Variants in RELN observed in about 807,000 individuals in gnomAD.
RELN encodes the protein reelin.
Under a neutral mutation model 427.6 loss-of-function variants are expected in RELN, and 108 were observed. That is an observed-to-expected ratio of 0.25 (90% CI 0.22 to 0.30). RELN has a LOEUF of 0.30. RELN is among the 10% of genes least tolerant of loss of function. The probability of loss-of-function intolerance (pLI) is 1.00; values close to 1 mark genes in which losing one functional copy is unlikely to be tolerated. For synonymous variants in RELN, 1,524 were observed against 1,513.4 expected (o/e 1.01, Z -0.16); for missense variants, 3,715 against 4,302.8 (o/e 0.86, Z 3.82).
At chr7:103,682,518 CAA>C (rs1350575624) in intron 10 of RELN, among the ~76,000 whole-genome samples, 6 of 152,264 alleles carry the variant, frequency 3.9e-5, no homozygotes, top group Admixed American at 1.3e-4. Context: ...CAGTATGAAA[CAA>C]GAGTATTTCA....
chr7:103,868,592 G>C (rs1295765694), intron 2 of RELN, among the ~76,000 whole-genome samples: 1 of 151,976 alleles, frequency 6.6e-6, no homozygotes, highest in Non-Finnish European at 1.5e-5. Flanking sequence ...TAATCAGACA[G>C]GACTAAACAA....
chr7:103,838,461 C>T (rs2116424581), intron 2 of RELN, among the ~76,000 whole-genome samples: 2 of 152,238 alleles, frequency 1.3e-5, no homozygotes, highest in East Asian at 3.9e-4. Flanking sequence ...CAAGACTCTA[C>T]ATTTTTAAGC....
chr7:103,709,595 C>A (rs1218335302), intron 8 of RELN, among the ~76,000 whole-genome samples: 1 of 152,172 alleles, frequency 6.6e-6, no homozygotes, highest in Non-Finnish European at 1.5e-5. Flanking sequence ...GCAGCCTCTA[C>A]TACTACCCAT....
intron 6 of RELN, among the ~76,000 whole-genome samples, chr7:103,745,946 C>T (rs1246943517): frequency 6.6e-6 from 1 of 152,152 alleles, no homozygotes; most frequent in Non-Finnish European, 1.5e-5. Context: ...CAAAAAAGAG[C>T]TCACATTGCC....
chr7:103,915,583 G>A (rs1258579283), intron 2 of RELN, among the ~76,000 whole-genome samples: 3 of 152,096 alleles, frequency 2.0e-5, no homozygotes, highest in African/African-American at 7.2e-5. Context: ...ATTGGGCACT[G>A]ATCCAGTACA....
At chr7:103,537,125 T>G (rs1205130379) in intron 45 of RELN, among the ~76,000 whole-genome samples, 1 of 152,216 alleles carries the variant, frequency 6.6e-6, no homozygotes, top group Non-Finnish European at 1.5e-5. Flanking sequence ...TATCAGAGGT[T>G]GTTAAGAAAA....
chr7:103,867,414 A>T lies in RELN; in HGVS notation c.338-33742T>A, dbSNP rs1016150428. On this transcript the variant is annotated intron_variant, in intron 2 of 64. Transcript: ENST00000428762. Reference sequence around the variant, plus strand: ...ACAGGTTATCTGTCCTTGGGGCATAAAAATATGAAGTCATAGAAGACTCGT... The same window carrying T: ...ACAGGTTATCTGTCCTTGGGGCATATAAATATGAAGTCATAGAAGACTCGT... Among the ~76,000 whole-genome samples the T allele has an allele frequency of 2.0e-5, 3 of 152,032 alleles. No individual in the cohort carries two copies. In the South Asian group the frequency reaches 6.2e-4, roughly 32 times the overall value.
intron 53 of RELN, among the ~76,000 whole-genome samples, chr7:103,499,481 C>T (rs1828950092): frequency 6.6e-6 from 1 of 152,102 alleles, no homozygotes; most frequent in African/African-American, 2.4e-5. Context: ...ATCATAAAGC[C>T]AATTTGTTCT....
intron 2 of RELN, among the ~76,000 whole-genome samples, chr7:103,863,953 A>G (rs1372166821): frequency 6.6e-6 from 1 of 152,130 alleles, no homozygotes; most frequent in Non-Finnish European, 1.5e-5. Flanking sequence ...TGGACTTTAA[A>G]TAATACACTT....
At chr7:103,838,661 G>C (rs1181888400) in intron 2 of RELN, among the ~76,000 whole-genome samples, 1 of 152,134 alleles carries the variant, frequency 6.6e-6, no homozygotes, top group Non-Finnish European at 1.5e-5. Flanking sequence ...AGTCTGCCTG[G>C]CCAAAAAGGA....
intron 2 of RELN, among the ~76,000 whole-genome samples, chr7:103,906,365 T>A (rs1234695161): frequency 6.6e-6 from 1 of 152,170 alleles, no homozygotes; most frequent in African/African-American, 2.4e-5. Flanking sequence ...TAGTAGAATT[T>A]TTTTTAGGAT....
chr7:103,566,874 C>A lies in RELN; in HGVS notation c.4589-115G>T. The A allele has an allele frequency of 5.0e-6, 5 of 990,126 alleles. 1 individual carries two copies. The South Asian group carries it at 6.6e-5, about 13-fold the overall frequency. 61.3% of individuals were successfully genotyped at this position (990,126 alleles called of 1,614,324 possible). On this transcript the variant is annotated intron_variant, in intron 31 of 64. Transcript: ENST00000428762. ...CAAATTGTGTCTCCTAGAACGAGGG[C>A]ACATTTGTGTAACTTCCAAGGAATG... is the stretch of plus-strand genomic sequence containing the variant.
chr7:103,816,407 A>C (rs76114293), intron 3 of RELN, among the ~76,000 whole-genome samples: 1,735 of 152,296 alleles, frequency 0.011, 30 homozygotes, highest in African/African-American at 0.037. Flanking sequence ...TACATTAAAA[A>C]ATGTCTAATG....
In RELN at chr7:103,505,696, ACTC is replaced by A. The variant is rs1275308088; in HGVS notation, c.8275-2469_8275-2467del. 5.3e-5 allele frequency among the ~76,000 whole-genome samples: 8 copies of A among 152,194 alleles called. No homozygotes were observed. In the East Asian group the frequency reaches 1.5e-3, roughly 29 times the overall value. Reference sequence around the variant, plus strand: ...GCCTCTTCTCCTCCAAAGGATCACAACTCCTCGCCAGCAAGGGAACAAAACGAG... The same window carrying A: ...GCCTCTTCTCCTCCAAAGGATCACAACTCGCCAGCAAGGGAACAAAACGAG... On this transcript the variant is annotated intron_variant, in intron 51 of 64. Coordinates refer to ENST00000428762, the MANE Select transcript of RELN (RefSeq NM_005045.4).
intron 24 of RELN, among the ~76,000 whole-genome samples, chr7:103,599,828 C>G (rs960445195): frequency 1.3e-5 from 2 of 152,090 alleles, no homozygotes; most frequent in Admixed American, 1.3e-4. Context: ...GTAGTTAGAG[C>G]AGGAGTATCA....
At chr7:103,873,193 C>T (rs1025817369) in intron 2 of RELN, among the ~76,000 whole-genome samples, 20 of 148,258 alleles carry the variant, frequency 1.3e-4, no homozygotes, top group Admixed American at 3.4e-4. Flanking sequence ...ATCTCTGGGA[C>T]GCATTCAAAG....
At position 103,652,618 on chromosome 7, in the gene RELN, A is replaced by T. The variant is rs200058688; in HGVS notation, c.1696T>A (p.Ser566Thr). Reference sequence around the variant, plus strand: ...AACTGTATCATGTGAGACATTGTAGAAGGGAGAACAGGCAAGACATGGAAA... The same window carrying T: ...AACTGTATCATGTGAGACATTGTAGTAGGGAGAACAGGCAAGACATGGAAA... ...DFFHVLPVLP[S>T]TMSHMIQFSI... Residue 566 changes from serine to threonine, a missense_variant, in exon 14 of 65, where the codon TCT becomes ACT. Physicochemically the swap from Ser to Thr is moderately conservative, Grantham distance 58. Coordinates refer to ENST00000428762, the MANE Select transcript of RELN (RefSeq NM_005045.4). 7.5e-5 allele frequency: 121 copies of T among 1,612,948 alleles called. No individual in the cohort carries two copies. In the East Asian group the frequency reaches 2.7e-3, roughly 36 times the overall value.
At chr7:103,672,344 A>C (rs1156753017) in intron 11 of RELN, among the ~76,000 whole-genome samples, 1 of 152,192 alleles carries the variant, frequency 6.6e-6, no homozygotes, top group East Asian at 1.9e-4. Flanking sequence ...TGGCAGTGCC[A>C]AGAGCAAAGA....
At chr7:103,839,056 C>A (rs1002757186) in intron 2 of RELN, among the ~76,000 whole-genome samples, 5 of 152,122 alleles carry the variant, frequency 3.3e-5, no homozygotes, top group African/African-American at 1.2e-4. Context: ...TAATGTCTAG[C>A]CAATAATTTG....
Sources: allele counts gnomAD v4.1 joint callset (sites outside exome capture counted in the v4.1 genomes callset), GRCh38; gene constraint gnomAD v4.1.1; transcripts MANE v1.5; gene names NCBI Gene and HGNC (gene_info 2026-07-23, HGNC 2026-07-21).